ADGRL2: variants seen among roughly 807,000 people sequenced by gnomAD.
ADGRL2 encodes calcium-independent alpha-latrotoxin receptor 2.
Under a neutral mutation model 157.4 loss-of-function variants are expected in ADGRL2, and 44 were observed. That is an observed-to-expected ratio of 0.28 (90% CI 0.22 to 0.36). The LOEUF (loss-of-function observed/expected upper bound fraction) is 0.36, where lower values mean the gene tolerates loss of function less well. Among genes scored for constraint, ADGRL2 ranks in the 10% least tolerant of loss-of-function variants. The pLI, the probability that ADGRL2 is intolerant of heterozygous loss-of-function variation, is 1.00. For missense variants in ADGRL2, 1,510 were observed against 1,768.9 expected, an observed-to-expected ratio of 0.85 and a Z score of 2.63; for synonymous variants, 585 against 624.7, an observed-to-expected ratio of 0.94 and a Z score of 0.95.
intron 2 of ADGRL2, among the ~76,000 whole-genome samples, chr1:81,562,797 C>T (rs1325360829): frequency 6.6e-6 from 1 of 151,956 alleles, no homozygotes; most frequent in Non-Finnish European, 1.5e-5. Context: ...TTGGATTAAT[C>T]ATTGTTTAAT....
At chr1:81,866,916 T>A (rs1303170887) in intron 2 of ADGRL2, among the ~76,000 whole-genome samples, 5 of 152,156 alleles carry the variant, frequency 3.3e-5, no homozygotes, top group South Asian at 2.1e-4. Flanking sequence ...GTCCATAACA[T>A]GCATAGGAAT....
intron 3 of ADGRL2, among the ~76,000 whole-genome samples, chr1:81,608,973 T>G (rs1264457113): frequency 6.6e-6 from 1 of 152,132 alleles, no homozygotes; most frequent in Non-Finnish European, 1.5e-5. Flanking sequence ...CTTGAGAGGT[T>G]TACATTGAGA....
chr1:81,923,667 G>T (rs1477979843), intron 3 of ADGRL2, among the ~76,000 whole-genome samples: 1 of 151,980 alleles, frequency 6.6e-6, no homozygotes, highest in Non-Finnish European at 1.5e-5. Context: ...TTGTTCCTTT[G>T]ATTAAAAAAC....
chr1:81,623,795 G>T (rs1028895486), intron 3 of ADGRL2, among the ~76,000 whole-genome samples: 2 of 151,798 alleles, frequency 1.3e-5, no homozygotes, highest in Admixed American at 1.3e-4. Context: ...CGCCACCACA[G>T]CTGGCTAATT....
chr1:81,713,377 C>G (rs1187244050), intron 1 of ADGRL2, among the ~76,000 whole-genome samples: 1 of 152,130 alleles, frequency 6.6e-6, no homozygotes, highest in Non-Finnish European at 1.5e-5. Context: ...GTATAATACA[C>G]ATTTCTAAGC....
In ADGRL2 at chr1:81,425,929, C is replaced by G. The variant is rs143247076; in HGVS notation, c.-301-19107C>G. On this transcript the variant is annotated intron_variant, in intron 1 of 24. Coordinates refer to the ADGRL2 transcript ENST00000370721. ...TTGCCCAGGCTGGACTGCACAGATG[C>G]AATCATAGCTCACTACAGCCTTGAA... is the stretch of plus-strand genomic sequence containing the variant. 3.3e-3 allele frequency among the ~76,000 whole-genome samples: 499 copies of G among 152,222 alleles called. 1 individual carries two copies. The highest frequency in any genetic ancestry group is 6.0e-3 in the South Asian group (29 of 4,828).
chr1:81,825,657 C>CAAAAAAAAAAA (rs71085375), intron 1 of ADGRL2, among the ~76,000 whole-genome samples: 1 of 86,754 alleles, frequency 1.2e-5, no homozygotes, highest in African/African-American at 4.1e-5. Context: ...ACCCTGTCTC[C>CAAAAAAAAAAA]AAAAAAAAAA....
intron 3 of ADGRL2, among the ~76,000 whole-genome samples, chr1:81,920,136 T>A (rs1354321190): frequency 1.3e-5 from 2 of 152,156 alleles, no homozygotes; most frequent in Non-Finnish European, 2.9e-5. Context: ...GGTTTTATTT[T>A]ATGCTGTAGC....
intron 2 of ADGRL2, among the ~76,000 whole-genome samples, chr1:81,895,010 T>G (rs1045020831): frequency 7.2e-5 from 11 of 152,196 alleles, no homozygotes; most frequent in Admixed American, 2.6e-4. Context: ...TTTCAGTGTG[T>G]TAATCTTCCC....
intron 3 of ADGRL2, among the ~76,000 whole-genome samples, chr1:81,671,217 A>T (rs2148916801): frequency 6.6e-6 from 1 of 152,272 alleles, no homozygotes; most frequent in South Asian, 2.1e-4. Flanking sequence ...AGGAGAACTG[A>T]GCCAGAGAAG....
At chr1:81,489,438 T>G (rs1216467321) in intron 2 of ADGRL2, among the ~76,000 whole-genome samples, 3 of 151,744 alleles carry the variant, frequency 2.0e-5, no homozygotes, top group Non-Finnish European at 4.4e-5. Context: ...GAAATAAGAT[T>G]AAAACAAAAT....
intron 1 of ADGRL2, among the ~76,000 whole-genome samples, chr1:81,338,267 G>T (rs888145326): frequency 6.6e-6 from 1 of 152,070 alleles, no homozygotes; most frequent in African/African-American, 2.4e-5. Context: ...GGAGGCTAAG[G>T]CCCAAGAATC....
intron 21 of ADGRL2, among the ~76,000 whole-genome samples, chr1:81,985,922 C>A (rs1262658044): frequency 1.3e-5 from 2 of 151,742 alleles, no homozygotes; most frequent in Non-Finnish European, 2.9e-5. Context: ...TTGTATATAT[C>A]CTTGGAAAGG....
intron 8 of ADGRL2, 80 bp downstream of exon 8, chr1:81,951,201 T>G: frequency 2.1e-6 from 2 of 942,244 alleles, no homozygotes; most frequent in Non-Finnish European, 3.4e-6. Flanking sequence ...CTTTGTGTGT[T>G]AAAACCAGCT....
chr1:81,556,496 T>C (rs1290866634), intron 2 of ADGRL2, among the ~76,000 whole-genome samples: 1 of 149,874 alleles, frequency 6.7e-6, no homozygotes, highest in Non-Finnish European at 1.5e-5. Flanking sequence ...TTCCTTCACA[T>C]CAAACAATGG....
intron 3 of ADGRL2, among the ~76,000 whole-genome samples, chr1:81,653,321 T>TTTG (rs386367464): frequency 9.0e-4 from 19 of 21,120 alleles, no homozygotes; most frequent in Non-Finnish European, 7.7e-4. Flanking sequence ...ACCTTTAGGG[T>TTTG]TTTTTTTTTT....
intron 3 of ADGRL2, among the ~76,000 whole-genome samples, chr1:81,684,275 C>T (rs1397872948): frequency 6.6e-6 from 1 of 152,162 alleles, no homozygotes; most frequent in Non-Finnish European, 1.5e-5. Flanking sequence ...TCCCTGATCA[C>T]CGTATCCACA....
intron 3 of ADGRL2, among the ~76,000 whole-genome samples, chr1:81,658,695 G>A (rs1234341316): frequency 2.0e-5 from 3 of 151,962 alleles, no homozygotes; most frequent in Non-Finnish European, 2.9e-5. Flanking sequence ...GAGTTATATC[G>A]TCTATTTTTA....
At chr1:81,415,213 A>G (rs1209995124) in intron 1 of ADGRL2, among the ~76,000 whole-genome samples, 1 of 152,220 alleles carries the variant, frequency 6.6e-6, no homozygotes, top group African/African-American at 2.4e-5. Context: ...GTCTTTGTTT[A>G]TATGTTGCAA....
Sources: allele counts gnomAD v4.1 joint callset (sites outside exome capture counted in the v4.1 genomes callset), GRCh38; gene constraint gnomAD v4.1.1; transcripts MANE v1.5; gene names NCBI Gene and HGNC (gene_info 2026-07-23, HGNC 2026-07-21).